The following WLS variants were observed in gnomAD, a reference collection of about 807,000 sequenced individuals.
The protein encoded by WLS is protein wntless homolog.
A neutral mutation model predicts 62.8 loss-of-function variants in WLS; 23 were observed. The observed-to-expected ratio is 0.37, with a 90% CI of 0.26 to 0.52. The LOEUF is 0.52. Ranked by LOEUF, WLS falls within the 20% of genes least tolerant of loss-of-function variation. The pLI is 0.92. For synonymous variants in WLS, 246 were observed against 244.1 expected, an observed-to-expected ratio of 1.01 and a Z score of -0.07; for missense variants, 615 against 697.3, an observed-to-expected ratio of 0.88 and a Z score of 1.33.
At chr1:68,142,119 A>C (rs971997760) in intron 10 of WLS, among the ~76,000 whole-genome samples, 1 of 152,202 alleles carries the variant, frequency 6.6e-6, no homozygotes, top group Non-Finnish European at 1.5e-5. Context: ...GAAGTACACT[A>C]ATTAAACATG....
chr1:68,151,711 G>C (rs547880388), intron 5 of WLS, among the ~76,000 whole-genome samples: 12 of 152,254 alleles, frequency 7.9e-5, no homozygotes, highest in African/African-American at 2.9e-4. Context: ...GTGTGGGTTT[G>C]AGCACAATAA....
chr1:68,180,453 C>T (rs1030082220), intron 2 of WLS, among the ~76,000 whole-genome samples: 5 of 152,014 alleles, frequency 3.3e-5, no homozygotes, highest in Non-Finnish European at 5.9e-5. Context: ...TGAGGCAGGG[C>T]TTGCATAATG....
At chr1:68,109,680 A>G (rs566296758) in intron 11 of WLS, among the ~76,000 whole-genome samples, 1 of 152,160 alleles carries the variant, frequency 6.6e-6, no homozygotes, top group Non-Finnish European at 1.5e-5. Flanking sequence ...AACAGAATAT[A>G]GCACAGGAAA....
At chr1:68,147,958 T>G (rs925583538) in intron 8 of WLS, among the ~76,000 whole-genome samples, 178 bp downstream of exon 8, 1 of 152,228 alleles carries the variant, frequency 6.6e-6, no homozygotes, top group African/African-American at 2.4e-5. Flanking sequence ...CACCCAGGCT[T>G]GAAAGCAAGC....
chr1:68,178,415 C>CT (rs1369715589), intron 2 of WLS, among the ~76,000 whole-genome samples: 1 of 152,150 alleles, frequency 6.6e-6, no homozygotes, highest in African/African-American at 2.4e-5. Flanking sequence ...ATAATTCACT[C>CT]TTAGGCCAGG....
At chr1:68,227,639 G>C (rs1246306462) in intron 1 of WLS, among the ~76,000 whole-genome samples, 1 of 152,076 alleles carries the variant, frequency 6.6e-6, no homozygotes, top group South Asian at 2.1e-4. Flanking sequence ...AACCACATTA[G>C]ATACTTCTAG....
intron 5 of WLS, among the ~76,000 whole-genome samples, chr1:68,151,482 T>A (rs923708219): frequency 6.6e-6 from 1 of 152,234 alleles, no homozygotes; most frequent in African/African-American, 2.4e-5. Context: ...GTCACTATTC[T>A]AAGATGCTGG....
At chr1:68,175,443 C>T (rs1024493692) in intron 2 of WLS, among the ~76,000 whole-genome samples, 4 of 152,170 alleles carry the variant, frequency 2.6e-5, no homozygotes, top group Non-Finnish European at 4.4e-5. Context: ...TTAGGACACC[C>T]GCTTCTTGCT....
chr1:68,143,932 T>G (rs144160039), intron 10 of WLS, among the ~76,000 whole-genome samples: 104 of 152,322 alleles, frequency 6.8e-4, no homozygotes, highest in African/African-American at 2.5e-3. Context: ...CTATTAGATA[T>G]CATAGTCTAG....
chr1:68,231,597 G>T lies in WLS; in HGVS notation c.106+597C>A, dbSNP rs548758989. 96 of 378,776 alleles carry T rather than the reference G, an allele frequency of 2.5e-4. 2 individuals are homozygous for T. Among genetic ancestry groups the T allele is most frequent in the South Asian group, 1.8e-3 (93 of 50,756 alleles). The allele number at this position is 378,776 out of a possible 1,614,324, so 23.5% of individuals were successfully genotyped here. On this transcript the variant is annotated intron_variant, in intron 1 of 11. Coordinates refer to ENST00000262348, the MANE Select transcript of WLS (RefSeq NM_024911.7). ...GGCCGACAATTCGGACCTGTCCACG[G>T]CAGAGCGTGGGGTGGAGTGCGGCGG...
intron 2 of WLS, among the ~76,000 whole-genome samples, chr1:68,160,661 G>A (rs957240848): frequency 6.6e-6 from 1 of 152,080 alleles, no homozygotes; most frequent in African/African-American, 2.4e-5. Context: ...TACAGTAACA[G>A]TAACTCACAC....
At chr1:68,126,836 A>G (rs1271518172) in intron 11 of WLS, among the ~76,000 whole-genome samples, 1 of 152,112 alleles carries the variant, frequency 6.6e-6, no homozygotes, top group Non-Finnish European at 1.5e-5. Flanking sequence ...GGGCTAAACC[A>G]GCATAACACC....
intron 1 of WLS, among the ~76,000 whole-genome samples, chr1:68,197,882 CAACCTT>C (rs939280132): frequency 1.1e-4 from 16 of 152,102 alleles, no homozygotes; most frequent in Admixed American, 2.6e-4. Context: ...AAATCATCTT[CAACCTT>C]TGAACAAGCC....
chr1:68,149,116 C>T (rs1474866068), intron 6 of WLS, among the ~76,000 whole-genome samples: 1 of 152,156 alleles, frequency 6.6e-6, no homozygotes, highest in African/African-American at 2.4e-5. Flanking sequence ...GGCATATTTT[C>T]TCCCCATCCT....
Position 68,110,023 on chromosome 1 carries a change from A to C in WLS, c.1511-11270T>G, listed in dbSNP as rs1258892259. On this transcript the variant is annotated intron_variant, in intron 11 of 11. Coordinates refer to the WLS transcript ENST00000354777. ...CACAAAAAGTAAAAAAAAAAAAAAA[A>C]AAAAAAAAAAAATACAGTAAGAGGC... Among the ~76,000 whole-genome samples, 362 of 141,900 alleles carry C rather than the reference A, an allele frequency of 2.6e-3. 2 individuals are homozygous for C. Among genetic ancestry groups the C allele is most frequent in the African/African-American group, 5.4e-3 (197 of 36,788 alleles). The allele number at this position is 141,900 out of a possible 152,430, so 93.1% of individuals were successfully genotyped here.
intron 11 of WLS, among the ~76,000 whole-genome samples, chr1:68,105,604 AG>A (rs767235041): frequency 5.3e-5 from 8 of 152,342 alleles, no homozygotes; most frequent in Non-Finnish European, 1.2e-4. Context: ...CAAATGAAAA[AG>A]GCATCTTGAT....
At chr1:68,122,684 A>T (rs185990630), downstream of WLS, among the ~76,000 whole-genome samples, 24 of 152,252 alleles carry the variant, frequency 1.6e-4, no homozygotes, top group South Asian at 1.7e-3. Context: ...CCAATAATAA[A>T]TTTTTTCTCT....
intron 2 of WLS, among the ~76,000 whole-genome samples, chr1:68,189,005 G>A (rs536837614): frequency 2.0e-5 from 3 of 152,224 alleles, no homozygotes; most frequent in Non-Finnish European, 4.4e-5. Flanking sequence ...CAATCACAGT[G>A]TAAAAATATT....
intron 3 of WLS, 100 bp downstream of exon 3, chr1:68,159,023 C>T: frequency 6.7e-7 from 1 of 1,490,488 alleles, no homozygotes; most frequent in East Asian, 2.3e-5. Flanking sequence ...CAAAGCTGTC[C>T]TCATGCGAAG....
Sources: allele counts gnomAD v4.1 joint callset (sites outside exome capture counted in the v4.1 genomes callset), GRCh38; gene constraint gnomAD v4.1.1; transcripts MANE v1.5; gene names NCBI Gene and HGNC (gene_info 2026-07-23, HGNC 2026-07-21).